The following MAP1LC3A variants were observed in gnomAD, a reference collection of about 807,000 sequenced individuals.
The protein encoded by MAP1LC3A is microtubule associated protein 1 light chain 3 alpha.
Under a neutral mutation model 15.2 loss-of-function variants are expected in MAP1LC3A, and 10 were observed. That is an observed-to-expected ratio of 0.66 (90% CI 0.41 to 1.12). The LOEUF (loss-of-function observed/expected upper bound fraction) is 1.12. Among genes scored for constraint, MAP1LC3A ranks in the 50% most tolerant of loss-of-function variants. MAP1LC3A has a pLI of 0.00. For missense variants in MAP1LC3A, 138 were observed against 167.3 expected (o/e 0.82, Z 0.97); for synonymous variants, 63 against 64.3 (o/e 0.98, Z 0.10).
At chr20:34,553,468 T>G (rs6088525) in intron 2 of MAP1LC3A, among the ~76,000 whole-genome samples, 1 of 151,816 alleles carries the variant, frequency 6.6e-6, no homozygotes, top group Non-Finnish European at 1.5e-5. Flanking sequence ...CTCCTCCACG[T>G]TGGCCTCAGT....
intron 1 of MAP1LC3A, among the ~76,000 whole-genome samples, chr20:34,548,023 G>A (rs1406928732): frequency 6.6e-6 from 1 of 152,152 alleles, no homozygotes; most frequent in African/African-American, 2.4e-5. Flanking sequence ...GGGGTTCCCG[G>A]AGCAGTGACG....
intron 1 of MAP1LC3A, chr20:34,549,888 G>C (rs1451610046): frequency 9.1e-7 from 1 of 1,100,552 alleles, no homozygotes; most frequent in Non-Finnish European, 1.4e-6. Flanking sequence ...GCTGATTGCA[G>C]GCCCTGTTTC....
upstream of MAP1LC3A, chr20:34,558,463 C>CT: frequency 9.9e-7 from 1 of 1,007,960 alleles, no homozygotes; most frequent in Non-Finnish European, 1.2e-6. The surrounding 1 kb of genome is among the most constrained non-coding windows in gnomAD (Gnocchi z 4.3). Context: ...CTGGCCCGCC[C>CT]GCTCCATCGG....
chr20:34,558,931 C>CGAGCTCT lies in MAP1LC3A; in HGVS notation c.40+25_40+31dup. ...TCGGTGAGGCCCGGCAGGCGAGCTG[C>CGAGCTCT]GAGCTCTGGGGCAGGGGTGCCGGCC... On this transcript the variant is annotated intron_variant, in intron 1 of 3. Transcript: ENST00000360668. This position sits in a 1 kb window ranked among gnomAD's most constrained non-coding sequence, Gnocchi z 4.3. 7.2e-7 allele frequency: 1 copy of CGAGCTCT among 1,380,848 alleles called. No homozygotes were observed. 85.5% of individuals were successfully genotyped at this position (1,380,848 alleles called of 1,614,324 possible).
rs1215902686 is a variant in MAP1LC3A at position 34,558,732 on chromosome 20, C to A, written c.-137C>A. On this transcript the variant is annotated 5_prime_UTR_variant, in exon 1 of 4. Transcript: ENST00000360668. This position sits in a 1 kb window ranked among gnomAD's most constrained non-coding sequence, Gnocchi z 4.3. The stretch of plus-strand genomic sequence containing the variant: ...CTGACGTCACCGGGCGAGTTACCTC[C>A]CGCAGCCGCAGCCGCCGTGCTCAGC... 6.1e-6 allele frequency: 8 copies of A among 1,307,054 alleles called. No homozygotes were observed. The African/African-American group carries it at 1.1e-4, about 18-fold the overall frequency. 81.0% of individuals were successfully genotyped at this position (1,307,054 alleles called of 1,614,324 possible).
At chr20:34,552,499 C>A (rs970947622) in intron 2 of MAP1LC3A, among the ~76,000 whole-genome samples, 7 of 152,260 alleles carry the variant, frequency 4.6e-5, no homozygotes, top group African/African-American at 1.7e-4. Flanking sequence ...ATGTTCCAGG[C>A]AAAGGCCCTG....
Position 34,559,398 on chromosome 20 carries a change from A to T in MAP1LC3A, c.148A>T (p.Thr50Ser). ...GEKQLPVLDK[T>S]KFLVPDHVNM... ...GAAGCAGCTGCCCGTCCTGGACAAGACCAAGTTTTTGGTCCCGGACCATGT... is the reference window on the plus strand; with the variant it reads ...GAAGCAGCTGCCCGTCCTGGACAAGTCCAAGTTTTTGGTCCCGGACCATGT... Residue 50 changes from threonine (T) to serine (S), a missense_variant, in exon 3 of 4, where the codon ACC becomes TCC. Thr to Ser is a moderately conservative substitution (Grantham distance 58, BLOSUM62 1). Coordinates refer to ENST00000360668, the MANE Select transcript of MAP1LC3A (RefSeq NM_032514.4). 5 of 1,613,104 alleles carry T rather than the reference A, an allele frequency of 3.1e-6. No homozygotes were observed. The highest frequency in any genetic ancestry group is 4.2e-6 in the Non-Finnish European group (5 of 1,179,664).
chr20:34,558,502 C>T (rs1600572139), upstream of MAP1LC3A: 5 of 1,051,078 alleles, frequency 4.8e-6, no homozygotes, highest in East Asian at 2.1e-4. This position sits in a 1 kb window ranked among gnomAD's most constrained non-coding sequence, Gnocchi z 4.3. Flanking sequence ...CCCTCCGGGC[C>T]TTACCTTGAG....
chr20:34,554,291 T>C (rs1982058468), upstream of MAP1LC3A, among the ~76,000 whole-genome samples: 2 of 151,786 alleles, frequency 1.3e-5, no homozygotes, highest in Admixed American at 1.3e-4. Flanking sequence ...TTTAAGAGAA[T>C]ATTTCATGTT....
intron 2 of MAP1LC3A, among the ~76,000 whole-genome samples, chr20:34,551,953 A>G (rs1981965531): frequency 6.6e-6 from 1 of 152,206 alleles, no homozygotes; most frequent in Non-Finnish European, 1.5e-5. Context: ...TTACTCTGAA[A>G]TTCAACAAAA....
chr20:34,557,262 C>G (rs1263827855), upstream of MAP1LC3A, among the ~76,000 whole-genome samples: 1 of 152,196 alleles, frequency 6.6e-6, no homozygotes, highest in African/African-American at 2.4e-5. Flanking sequence ...TTTTACTTTG[C>G]TTCCTTTTTC....
chr20:34,548,209 A>G (rs1287773659), intron 1 of MAP1LC3A, among the ~76,000 whole-genome samples: 1 of 152,156 alleles, frequency 6.6e-6, no homozygotes, highest in African/African-American at 2.4e-5. Context: ...TTGAGTTCGG[A>G]GGCAGCCTTT....
rs1568614883 is a variant in MAP1LC3A, at chr20:34,560,250, C to A, written c.*352C>A. 1 of 240,208 alleles carries A rather than the reference C, an allele frequency of 4.2e-6. No individual in the cohort carries two copies. The highest frequency in any genetic ancestry group is 8.2e-6 in the Non-Finnish European group (1 of 122,680). 14.9% of individuals were successfully genotyped at this position (240,208 alleles called of 1,614,324 possible). ...CCTGGACCTGCCCACCCCTGAAAGACTGGCCCCTGGCTCCCCGCCCCTCGG... is the reference window on the plus strand; with the variant it reads ...CCTGGACCTGCCCACCCCTGAAAGAATGGCCCCTGGCTCCCCGCCCCTCGG... On this transcript the variant is annotated 3_prime_UTR_variant, in exon 4 of 4. Transcript: ENST00000360668.
In MAP1LC3A at chr20:34,559,334, GCC is replaced by G; in HGVS notation, c.97-11_97-10del. 1 of 581,290 alleles carries G rather than the reference GCC, an allele frequency of 1.7e-6. No individual in the cohort carries two copies. Among genetic ancestry groups the G allele is most frequent in the Non-Finnish European group, 2.8e-6 (1 of 361,336 alleles). The allele number at this position is 581,290 out of a possible 1,614,324, so 36.0% of individuals were successfully genotyped here. A position where few individuals can be genotyped will look rare whatever the true frequency, so the allele number is the denominator to read the frequency against. On this transcript the variant is annotated splice_polypyrimidine_tract_variant and intron_variant, in intron 2 of 3. Coordinates refer to ENST00000360668, the MANE Select transcript of MAP1LC3A (RefSeq NM_032514.4). ...TCCCGACACGACCCCCTGCCCGCCCGCCCTGCTCCCAGGTGATCATCGAGCGC... is the reference window on the plus strand; with the variant it reads ...TCCCGACACGACCCCCTGCCCGCCCGCTGCTCCCAGGTGATCATCGAGCGC...
rs1289184723 is a variant in MAP1LC3A at position 34,558,940 on chromosome 20, G to A, written c.40+32G>A. 19 of 1,365,438 alleles carry A rather than the reference G, an allele frequency of 1.4e-5. No individual in the cohort carries two copies. The South Asian group carries it at 2.5e-4, about 18-fold the overall frequency. The allele number at this position is 1,365,438 out of a possible 1,614,324, so 84.6% of individuals were successfully genotyped here. A position where few individuals can be genotyped will look rare whatever the true frequency, so the allele number is the denominator to read the frequency against. ...CCCGGCAGGCGAGCTGCGAGCTCTGGGGCAGGGGTGCCGGCCGACCCCGAC... is the reference window on the plus strand; with the variant it reads ...CCCGGCAGGCGAGCTGCGAGCTCTGAGGCAGGGGTGCCGGCCGACCCCGAC... On this transcript the variant is annotated intron_variant, in intron 1 of 3. Transcript: ENST00000360668. This position sits in a 1 kb window ranked among gnomAD's most constrained non-coding sequence, Gnocchi z 4.3.
At chr20:34,559,556 G>A (rs1429092605) in intron 3 of MAP1LC3A, 103 bp downstream of exon 3, 5 of 1,268,926 alleles carry the variant, frequency 3.9e-6, no homozygotes, top group Non-Finnish European at 5.6e-6. Context: ...GGACCGGGCG[G>A]TGGGCCCCTG....
At chr20:34,559,021 G>A in intron 1 of MAP1LC3A, 113 bp downstream of exon 1, 1 of 1,337,618 alleles carries the variant, frequency 7.5e-7, no homozygotes, top group Non-Finnish European at 9.5e-7. Flanking sequence ...CCTCGGGCTG[G>A]GACCAGCTCC....
chr20:34,547,026 C>T (rs1470334274), intron 1 of MAP1LC3A: 1 of 152,272 alleles, frequency 6.6e-6, no homozygotes, highest in Non-Finnish European at 1.5e-5. Flanking sequence ...GAAGGACTGG[C>T]CTTAGGAACA....
intron 3 of MAP1LC3A, 133 bp downstream of exon 3, chr20:34,559,586 G>C (rs1022268242): frequency 8.1e-7 from 1 of 1,235,572 alleles, no homozygotes; most frequent in Non-Finnish European, 1.2e-6. Flanking sequence ...GGCTGGAAAG[G>C]TCAAGGTCGG....
Sources: allele counts gnomAD v4.1 joint callset (sites outside exome capture counted in the v4.1 genomes callset), GRCh38; gene constraint gnomAD v4.1.1; non-coding constraint Gnocchi (gnomAD v3.1); transcripts MANE v1.5; gene names NCBI Gene and HGNC (gene_info 2026-07-23, HGNC 2026-07-21).